The following ADGRL3 variants were observed in gnomAD, a reference collection of about 807,000 sequenced individuals.
ADGRL3 encodes calcium-independent alpha-latrotoxin receptor 3.
In ADGRL3, 62 loss-of-function variants were observed where a neutral mutation model predicts 153.5. The observed-to-expected ratio is 0.40, with a 90% CI of 0.33 to 0.50. The LOEUF (loss-of-function observed/expected upper bound fraction) is 0.50, where lower values mean the gene tolerates loss of function less well. ADGRL3 is among the 20% of genes least tolerant of loss of function. ADGRL3 has a pLI of 0.47. For missense variants in ADGRL3, 1,641 were observed against 1,859.4 expected (o/e 0.88, Z 2.16); for synonymous variants, 710 against 672.5 (o/e 1.06, Z -0.86).
chr4:61,831,862 A>G (rs2097874122), intron 9 of ADGRL3, among the ~76,000 whole-genome samples: 1 of 152,080 alleles, frequency 6.6e-6, no homozygotes, highest in Admixed American at 6.6e-5. Context: ...CTTAACCTTC[A>G]GGCAAGCATA....
chr4:61,796,005 G>A (rs2097406422), intron 8 of ADGRL3, among the ~76,000 whole-genome samples: 1 of 152,046 alleles, frequency 6.6e-6, no homozygotes, highest in African/African-American at 2.4e-5. Context: ...TCCATACCCA[G>A]CTAATTTTTG....
intron 11 of ADGRL3, 79 bp from the exon 12 acceptor site, chr4:61,909,481 C>T: frequency 1.1e-6 from 1 of 952,240 alleles, no homozygotes; most frequent in Non-Finnish European, 1.6e-6. Context: ...CAATTACATG[C>T]AAACATGATC....
At chr4:61,690,801 G>T (rs541562162) in intron 6 of ADGRL3, among the ~76,000 whole-genome samples, 13 of 152,124 alleles carry the variant, frequency 8.5e-5, no homozygotes, top group African/African-American at 2.9e-4. Flanking sequence ...ACTTTTAATG[G>T]CAGTGTTTGG....
chr4:61,792,794 C>G (rs961861941), intron 8 of ADGRL3, among the ~76,000 whole-genome samples: 1 of 151,798 alleles, frequency 6.6e-6, no homozygotes, highest in African/African-American at 2.4e-5. Context: ...GGCCACTTTC[C>G]CACATTTTTA....
intron 16 of ADGRL3, 76 bp from the exon 17 acceptor site, chr4:61,948,024 A>G (rs1223376959): frequency 8.3e-7 from 1 of 1,202,356 alleles, no homozygotes; most frequent in African/African-American, 1.5e-5. Context: ...GTTGTATTAT[A>G]TGTAAAGAAA....
chr4:61,358,879 G>T, intron 1 of ADGRL3, among the ~76,000 whole-genome samples: 1 of 151,938 alleles, frequency 6.6e-6, no homozygotes, highest in African/African-American at 2.4e-5. Context: ...TTTACCTCTA[G>T]CCCAAATGTT....
At position 62,031,624 on chromosome 4, in the gene ADGRL3, C is replaced by A. The variant is rs551598504; in HGVS notation, c.3591+14C>A. 1.3e-5 allele frequency: 20 copies of A among 1,571,912 alleles called. No homozygotes were observed. Among genetic ancestry groups the A allele is most frequent in the Admixed American group, 5.3e-5 (3 of 56,340 alleles). ...CTACAGAAGAAGGTAAGCTAGAATT[C>A]TTTTTTTAAAATAAAAATGGCATAC... is the stretch of plus-strand genomic sequence containing the variant. On this transcript the variant is annotated intron_variant, in intron 23 of 26. Coordinates refer to ENST00000683033, the MANE Select transcript of ADGRL3 (RefSeq NM_001387552.1).
rs1425455989 is a variant in ADGRL3 at position 62,077,892 on chromosome 4, T to C, written c.*6984T>C. On this transcript the variant is annotated 3_prime_UTR_variant, in exon 27 of 27. Transcript: ENST00000683033. ...GTTTGTATATTTTAATGCTGACCTTTGCCTGTGAACTAGAAAATCAAGATT... is the reference window on the plus strand; with the variant it reads ...GTTTGTATATTTTAATGCTGACCTTCGCCTGTGAACTAGAAAATCAAGATT... 1 of 151,972 alleles carries C rather than the reference T, an allele frequency of 6.6e-6. No homozygotes were observed. Among genetic ancestry groups the C allele is most frequent in the East Asian group, 1.9e-4 (1 of 5,188 alleles). 9.4% of individuals were successfully genotyped at this position (151,972 alleles called of 1,614,324 possible).
rs1483517327 is a variant in ADGRL3 at position 61,948,294 on chromosome 4, C to T, written c.2805+18C>T. On this transcript the variant is annotated intron_variant, in intron 17 of 26. Coordinates refer to ENST00000683033, the MANE Select transcript of ADGRL3 (RefSeq NM_001387552.1). ...AAGTTAAGGTAAGATATATACCATA[C>T]AATGAAAATGTTTTAGTATATTATA... 8.8e-6 allele frequency: 14 copies of T among 1,595,034 alleles called. No individual in the cohort carries two copies. Among genetic ancestry groups the T allele is most frequent in the Non-Finnish European group, 1.2e-5 (14 of 1,164,050 alleles).
chr4:61,823,920 G>C (rs2148766680), intron 9 of ADGRL3, among the ~76,000 whole-genome samples: 1 of 152,202 alleles, frequency 6.6e-6, no homozygotes, highest in East Asian at 1.9e-4. Context: ...AATTAGCTGG[G>C]CGTGGTGGCA....
At chr4:61,924,265 C>T (rs1240091505) in intron 13 of ADGRL3, among the ~76,000 whole-genome samples, 1 of 152,138 alleles carries the variant, frequency 6.6e-6, no homozygotes, top group South Asian at 2.1e-4. Context: ...ATTGACACTT[C>T]TTTCCAGTCT....
At chr4:61,264,459 T>C (rs2092725931) in intron 1 of ADGRL3, among the ~76,000 whole-genome samples, 1 of 152,004 alleles carries the variant, frequency 6.6e-6, no homozygotes, top group Non-Finnish European at 1.5e-5. Flanking sequence ...AATAGGTTTT[T>C]GACATATAGT....
chr4:61,723,047 T>C (rs1021908330), intron 6 of ADGRL3, among the ~76,000 whole-genome samples: 9 of 152,186 alleles, frequency 5.9e-5, no homozygotes, highest in Admixed American at 4.6e-4. Context: ...ACATTTTCCA[T>C]AGGAAGTTTA....
rs182203648 is a variant in ADGRL3 at position 61,655,842 on chromosome 4, C to T, written c.474-20984C>T. 1.5e-3 allele frequency among the ~76,000 whole-genome samples: 227 copies of T among 152,134 alleles called. 2 individuals carry two copies. Among genetic ancestry groups the T allele is most frequent in the Admixed American group, 4.8e-3 (73 of 15,284 alleles). On this transcript the variant is annotated intron_variant, in intron 5 of 26. Coordinates refer to ENST00000683033, the MANE Select transcript of ADGRL3 (RefSeq NM_001387552.1). ...ACAGTAAACTTGAATTTAATTCAAA[C>T]GAAACAAATAGAATGTTTGTATCTT...
intron 1 of ADGRL3, among the ~76,000 whole-genome samples, chr4:61,368,189 C>T (rs575805954): frequency 0.013 from 2,012 of 151,992 alleles, 47 homozygotes; most frequent in African/African-American, 0.046. Context: ...TTGTAAGTTG[C>T]CTGTTCACTC....
chr4:61,382,920 A>G (rs1045525539), intron 1 of ADGRL3, among the ~76,000 whole-genome samples: 2 of 151,886 alleles, frequency 1.3e-5, no homozygotes, highest in African/African-American at 4.8e-5. Flanking sequence ...ATTATAATAA[A>G]TTAGATAGTC....
At chr4:61,509,059 G>C (rs2152860707) in intron 3 of ADGRL3, among the ~76,000 whole-genome samples, 1 of 151,572 alleles carries the variant, frequency 6.6e-6, no homozygotes, top group Admixed American at 6.6e-5. Flanking sequence ...ACAACCCGTG[G>C]GAATTATGGG....
intron 1 of ADGRL3, among the ~76,000 whole-genome samples, chr4:61,228,868 T>C (rs775847468): frequency 3.4e-4 from 52 of 152,074 alleles, no homozygotes; most frequent in Non-Finnish European, 6.6e-4. Flanking sequence ...ATTTTTGTAC[T>C]TTTAGTAGAG....
At chr4:61,888,460 A>G (rs901571146) in intron 9 of ADGRL3, among the ~76,000 whole-genome samples, 3 of 152,212 alleles carry the variant, frequency 2.0e-5, no homozygotes, top group African/African-American at 4.8e-5. Flanking sequence ...CAGCAAATCT[A>G]TATTTTTTTC....
Sources: gnomAD v4.1 joint callset for allele counts (sites outside exome capture counted in the v4.1 genomes callset) on GRCh38, gnomAD v4.1.1 for gene constraint, MANE v1.5 for transcripts, NCBI Gene and HGNC (gene_info 2026-07-23, HGNC 2026-07-21) for gene names.